UACA: variants seen among roughly 807,000 people sequenced by gnomAD.
UACA encodes the protein uveal autoantigen with coiled-coil domains and ankyrin repeats, also known as nuclear membrane binding protein.
A neutral mutation model predicts 160.5 loss-of-function variants in UACA; 112 were observed. The ratio of observed to expected loss-of-function variants is 0.70; its 90% CI spans 0.60 to 0.82. The LOEUF (loss-of-function observed/expected upper bound fraction) is 0.82, where lower values mean the gene tolerates loss of function less well. Ranked by LOEUF, UACA falls within the 40% of genes least tolerant of loss-of-function variation. UACA has a pLI of 0.00. For missense variants in UACA, 1,574 were observed against 1,614.6 expected, an observed-to-expected ratio of 0.97 and a Z score of 0.43; for synonymous variants, 557 against 568.4, an observed-to-expected ratio of 0.98 and a Z score of 0.29.
intron 1 of UACA, chr15:70,703,119 G>T: frequency 7.8e-7 from 1 of 1,289,084 alleles, no homozygotes; most frequent in Non-Finnish European, 1.0e-6. Flanking sequence ...TAGCATACTT[G>T]TATCAACATT....
At chr15:70,741,785 T>A (rs536702263) in intron 1 of UACA, among the ~76,000 whole-genome samples, 1 of 152,328 alleles carries the variant, frequency 6.6e-6, no homozygotes, top group East Asian at 1.9e-4. Flanking sequence ...AATGCAAAAG[T>A]ATTCCTTCAC....
rs1378097878 is a variant in UACA, at chr15:70,687,583, T to A, written c.559A>T (p.Ile187Leu). ...GAATTAACATCCGCTCCTCTATCTA[T>A]CAGCAGTTGACATATTGTTGGCCTA... ...MSRPTICQLL[I>L]DRGADVNSRD... The change falls in exon 7 of 19, where the codon ATA becomes TTA. Residue 187 changes from isoleucine (I) to leucine (L), a missense_variant. Transcript: ENST00000322954. The A allele has an allele frequency of 2.5e-6, 4 of 1,613,790 alleles. No homozygotes were observed. Among genetic ancestry groups the A allele is most frequent in the Non-Finnish European group, 3.4e-6 (4 of 1,179,860 alleles).
chr15:70,677,763 A>G (rs904102310), intron 11 of UACA, among the ~76,000 whole-genome samples: 2 of 151,872 alleles, frequency 1.3e-5, no homozygotes, highest in African/African-American at 4.8e-5. Context: ...TGTTTCTGTG[A>G]TTTTGCTCAT....
Position 70,664,741 on chromosome 15 carries a change from C to A in UACA, c.4034G>T (p.Ser1345Ile). The change falls in exon 17 of 19, where the codon AGT (serine) becomes ATT (isoleucine). Residue 1345 changes from serine to isoleucine, a missense_variant. Ser to Ile is a moderately radical substitution (Grantham distance 142). Transcript: ENST00000322954. ...GCTCTGCCTCTTGGTGGGGTTCCCA[C>A]TTGTGTAGGTGAGTTGGGAAAGGCC... ...LNGLSQLTYT[S>I]GNPTKRQSQL... The A allele has an allele frequency of 1.2e-6, 2 of 1,613,704 alleles. No homozygotes were observed. Among genetic ancestry groups the A allele is most frequent in the East Asian group, 2.2e-5 (1 of 44,850 alleles).
Position 70,684,247 on chromosome 15 carries a change from A to T in UACA, c.784+18T>A, listed in dbSNP as rs181067763. ...TTTGTTAATGTGGACTTTTCTAGTT[A>T]CAGAAAACTGCTGATACCTTTGTTG... is the stretch of plus-strand genomic sequence containing the variant. On this transcript the variant is annotated intron_variant, in intron 8 of 18. Transcript: ENST00000322954. 6.3e-5 allele frequency: 99 copies of T among 1,577,108 alleles called. No individual in the cohort carries two copies. In the Admixed American group the frequency reaches 1.7e-3, roughly 27 times the overall value.
At chr15:70,672,891 T>C (rs1897184337) in intron 13 of UACA, among the ~76,000 whole-genome samples, 1 of 151,978 alleles carries the variant, frequency 6.6e-6, no homozygotes, top group Non-Finnish European at 1.5e-5. Flanking sequence ...GGTCAGGAGT[T>C]CAAGACCAGC....
intron 1 of UACA, among the ~76,000 whole-genome samples, chr15:70,742,670 T>C (rs928200230): frequency 2.0e-5 from 3 of 152,248 alleles, no homozygotes; most frequent in African/African-American, 7.2e-5. Flanking sequence ...ACTCCATAAC[T>C]ATGATCTTTG....
At chr15:70,696,651 A>C (rs1041581420) in intron 2 of UACA, among the ~76,000 whole-genome samples, 2 of 152,174 alleles carry the variant, frequency 1.3e-5, no homozygotes, top group African/African-American at 2.4e-5. Context: ...TCCTTCTACT[A>C]AATTAAATCG....
intron 1 of UACA, among the ~76,000 whole-genome samples, chr15:70,740,023 C>T (rs58429842): frequency 0.027 from 4,053 of 152,108 alleles, 203 homozygotes; most frequent in African/African-American, 0.092. Flanking sequence ...TTAGTAAGTA[C>T]AACAAATCAA....
At chr15:70,665,156 G>A (rs1006724151) in intron 16 of UACA, among the ~76,000 whole-genome samples, 2 of 152,146 alleles carry the variant, frequency 1.3e-5, no homozygotes, top group Non-Finnish European at 2.9e-5. Context: ...ACACAGGAAG[G>A]GAAGGGGGAT....
At chr15:70,739,881 C>T (rs1197102964) in intron 1 of UACA, among the ~76,000 whole-genome samples, 1 of 152,170 alleles carries the variant, frequency 6.6e-6, no homozygotes. Flanking sequence ...CAACCCTTCT[C>T]TTCCCACTTC....
chr15:70,735,678 TTTTG>T (rs923872483), intron 1 of UACA, among the ~76,000 whole-genome samples: 1 of 151,928 alleles, frequency 6.6e-6, no homozygotes, highest in Non-Finnish European at 1.5e-5. Flanking sequence ...AACAATGTAT[TTTTG>T]TTTGTTTGTT....
intron 1 of UACA, among the ~76,000 whole-genome samples, chr15:70,751,852 A>G (rs2030081032): frequency 6.6e-6 from 1 of 152,206 alleles, no homozygotes; most frequent in African/African-American, 2.4e-5. Flanking sequence ...TGCTATTTAT[A>G]TTTCATAAAG....
chr15:70,718,094 C>T (rs1466834371), intron 1 of UACA, among the ~76,000 whole-genome samples: 1 of 150,402 alleles, frequency 6.6e-6, no homozygotes, highest in Non-Finnish European at 1.5e-5. Context: ...TCTGGATAAC[C>T]CTGATTTACA....
At chr15:70,699,391 T>C in intron 2 of UACA, 136 bp downstream of exon 2, 1 of 943,294 alleles carries the variant, frequency 1.1e-6, no homozygotes, top group South Asian at 1.8e-5. Flanking sequence ...ATTAGTTTGT[T>C]TGAAAGATTT....
intron 3 of UACA, among the ~76,000 whole-genome samples, chr15:70,693,491 A>C (rs1230900290): frequency 6.6e-6 from 1 of 152,176 alleles, no homozygotes; most frequent in Admixed American, 6.5e-5. Context: ...AACAGACATT[A>C]TAGCAATTGA....
At chr15:70,724,510 T>C (rs2140990756) in intron 1 of UACA, among the ~76,000 whole-genome samples, 1 of 152,254 alleles carries the variant, frequency 6.6e-6, no homozygotes, top group South Asian at 2.1e-4. Context: ...GTAGCAAATA[T>C]CTAACTGAAA....
chr15:70,777,412 A>G, the UACA span, among the ~76,000 whole-genome samples: 1 of 152,336 alleles, frequency 6.6e-6, no homozygotes, highest in South Asian at 2.1e-4. Flanking sequence ...TACAGCTGGT[A>G]GGAGACTGCA....
intron 3 of UACA, among the ~76,000 whole-genome samples, chr15:70,693,816 A>G (rs1444775990): frequency 6.6e-6 from 1 of 152,196 alleles, no homozygotes. Context: ...AGCTCTGAAG[A>G]GGTAAGGTTA....
Sources: gnomAD v4.1 joint callset for allele counts (sites outside exome capture counted in the v4.1 genomes callset) on GRCh38, gnomAD v4.1.1 for gene constraint, MANE v1.5 for transcripts, NCBI Gene and HGNC (gene_info 2026-07-23, HGNC 2026-07-21) for gene names.